Variants in DMXL1 observed in about 807,000 individuals in gnomAD.
DMXL1 encodes dmX-like protein 1.
DMXL1 carries 99 observed loss-of-function variants against 319.2 expected under a neutral mutation model. The ratio of observed to expected loss-of-function variants is 0.31; its 90% confidence interval spans 0.26 to 0.37. The LOEUF (loss-of-function observed/expected upper bound fraction) is 0.37. Ranked by LOEUF, DMXL1 falls within the 10% of genes least tolerant of loss-of-function variation. The pLI is 1.00. For synonymous variants in DMXL1, 1,385 were observed against 1,235.2 expected (o/e 1.12, Z -2.54); for missense variants, 3,745 against 3,595.6 (o/e 1.04, Z -1.06).
chr5:119,190,752 A>T (rs1778570293), intron 29 of DMXL1, among the ~76,000 whole-genome samples: 1 of 152,240 alleles, frequency 6.6e-6, no homozygotes, highest in Admixed American at 6.5e-5. Flanking sequence ...AGTGAAAGTG[A>T]ACTTATAAAT....
At chr5:119,084,884 T>C (rs2149708860) in intron 1 of DMXL1, among the ~76,000 whole-genome samples, 1 of 148,276 alleles carries the variant, frequency 6.7e-6, no homozygotes, top group South Asian at 2.1e-4. Flanking sequence ...AAAAAAAAGA[T>C]CCTAAAATTG....
intron 1 of DMXL1, among the ~76,000 whole-genome samples, chr5:119,085,176 A>G (rs973232297): frequency 6.6e-6 from 1 of 151,738 alleles, no homozygotes; most frequent in African/African-American, 2.4e-5. Flanking sequence ...TAAAAATACA[A>G]AAAAATTAGC....
intron 5 of DMXL1, 150 bp from the exon 6 acceptor site, chr5:119,114,325 A>G: frequency 1.6e-6 from 1 of 631,030 alleles, no homozygotes. Flanking sequence ...CTTACTAACT[A>G]GTTCATTTTT....
chr5:119,192,640 T>C (rs1468832463), intron 29 of DMXL1, among the ~76,000 whole-genome samples: 3 of 152,242 alleles, frequency 2.0e-5, no homozygotes, highest in East Asian at 3.8e-4. Flanking sequence ...ATCTGTCTTC[T>C]TAGCATCATT....
chr5:119,155,840 A>AAC lies in DMXL1; in HGVS notation c.4702+3805_4702+3806insCA, dbSNP rs1269620727. On this transcript the variant is annotated intron_variant, in intron 19 of 43. Transcript: ENST00000539542. ...AGACCCTGTCTCAAAAAAAAAAAAA[A>AAC]AAAACAAAACTTCAGCAGATGAGGA... is the stretch of plus-strand genomic sequence containing the variant. 5.9e-5 allele frequency among the ~76,000 whole-genome samples: 9 copies of AAC among 151,868 alleles called. 1 individual carries two copies. In the South Asian group the frequency reaches 6.2e-4, roughly 11 times the overall value.
intron 1 of DMXL1, among the ~76,000 whole-genome samples, chr5:119,090,479 T>C (rs909573967): frequency 3.3e-5 from 5 of 152,028 alleles, no homozygotes; most frequent in African/African-American, 1.2e-4. Context: ...GAATGCCAAT[T>C]CTTAGATTTC....
intron 34 of DMXL1, among the ~76,000 whole-genome samples, chr5:119,209,587 G>T (rs867591047): frequency 6.6e-6 from 1 of 151,930 alleles, no homozygotes; most frequent in Non-Finnish European, 1.5e-5. Context: ...GGCTCAAGCA[G>T]TCTTCCCACC....
At chr5:119,245,567 G>T (rs946849880) in intron 43 of DMXL1, among the ~76,000 whole-genome samples, 2 of 145,462 alleles carry the variant, frequency 1.4e-5, no homozygotes, top group Non-Finnish European at 1.5e-5. Flanking sequence ...TTGAGACGGA[G>T]TCTTACTCTG....
At chr5:119,221,524 A>G (rs753197052) in intron 37 of DMXL1, among the ~76,000 whole-genome samples, 3 of 152,190 alleles carry the variant, frequency 2.0e-5, no homozygotes, top group Non-Finnish European at 2.9e-5. Context: ...ACTGGATTTC[A>G]GTGTTTTTTT....
At chr5:119,143,632 T>A (rs2150109687) in intron 13 of DMXL1, among the ~76,000 whole-genome samples, 1 of 152,150 alleles carries the variant, frequency 6.6e-6, no homozygotes, top group Admixed American at 6.6e-5. Context: ...CTTTTATTTT[T>A]CTCTGTACCA....
At chr5:119,132,648 G>A (rs145471610) in intron 10 of DMXL1, 10 of 393,392 alleles carry the variant, frequency 2.5e-5, no homozygotes, top group Middle Eastern at 9.1e-4. Flanking sequence ...CTGTACTCCA[G>A]CTGGGGCAAG....
In DMXL1 at chr5:119,221,025, A is replaced by G. The variant is rs756688511; in HGVS notation, c.8221A>G (p.Thr2741Ala). 6.8e-6 allele frequency: 11 copies of G among 1,613,746 alleles called. No homozygotes were observed. The highest frequency in any genetic ancestry group is 1.6e-4 in the Middle Eastern group (1 of 6,080). The change falls in exon 37 of 44, where the codon ACT (threonine) becomes GCT (alanine). Residue 2741 changes from threonine (T) to alanine (A), a missense_variant. Thr to Ala is a moderately conservative substitution (Grantham distance 58, BLOSUM62 0). Transcript: ENST00000539542. ...TTPYTHSNPG[T>A]PINMPWLGST... ...TCCATATACACATAGCAATCCTGGC[A>G]CTCCAATCAACATGCCATGGCTTGG...
Position 119,171,042 on chromosome 5 carries a change from A to G in DMXL1, c.6251A>G (p.Gln2084Arg). 6.2e-7 allele frequency: 1 copy of G among 1,613,930 alleles called. No homozygotes were observed. Among genetic ancestry groups the G allele is most frequent in the East Asian group, 2.2e-5 (1 of 44,862 alleles). The change falls in exon 24 of 44, where the codon CAG (glutamine) becomes CGG (arginine). Residue 2084 changes from glutamine (Q) to arginine (R), a missense_variant. Gln to Arg is a conservative substitution (Grantham distance 43). Coordinates refer to ENST00000539542, the MANE Select transcript of DMXL1 (RefSeq NM_001290321.3). ...TTTTGCTCAGATGCTGAAGAACTAC[A>G]GTCTGCATTTGGCAGAAATGAAGAT... ...CDFCSDAEEL[Q>R]SAFGRNEDEF... is the part of the protein sequence containing the mutation.
At chr5:119,139,402 A>G (rs565074272) in intron 13 of DMXL1, among the ~76,000 whole-genome samples, 1 of 152,324 alleles carries the variant, frequency 6.6e-6, no homozygotes, top group East Asian at 1.9e-4. Context: ...AATGACACCC[A>G]TAGGCTCAAA....
chr5:119,194,544 G>A (rs1779271848), intron 30 of DMXL1, among the ~76,000 whole-genome samples: 1 of 152,014 alleles, frequency 6.6e-6, no homozygotes, highest in Non-Finnish European at 1.5e-5. Flanking sequence ...ACTAAAACAT[G>A]GTATGTTAAT....
intron 38 of DMXL1, among the ~76,000 whole-genome samples, chr5:119,225,499 A>AT (rs1785374644): frequency 6.6e-6 from 1 of 152,038 alleles, no homozygotes; most frequent in African/African-American, 2.4e-5. Context: ...GTCCTACTAC[A>AT]TAGTAACAAG....
intron 9 of DMXL1, among the ~76,000 whole-genome samples, chr5:119,121,478 TG>T: frequency 6.6e-6 from 1 of 152,076 alleles, no homozygotes; most frequent in Non-Finnish European, 1.5e-5. Flanking sequence ...GGAGTGGTGA[TG>T]ACTCTTAACG....
intron 25 of DMXL1, among the ~76,000 whole-genome samples, chr5:119,173,815 T>TATATATATATA (rs1554127694): frequency 4.5e-5 from 6 of 132,876 alleles, no homozygotes; most frequent in East Asian, 5.2e-4. Flanking sequence ...GAGAGATTTA[T>TATATATATATA]TATAAGGAAT....
At chr5:119,129,530 C>A in intron 10 of DMXL1, 107 bp downstream of exon 10, 1 of 736,546 alleles carries the variant, frequency 1.4e-6, no homozygotes, top group Non-Finnish European at 2.2e-6. Context: ...GTTGCAATGA[C>A]ATGATCCAAA....
Sources: allele counts gnomAD v4.1 joint callset (sites outside exome capture counted in the v4.1 genomes callset), GRCh38; gene constraint gnomAD v4.1.1; transcripts MANE v1.5; gene names NCBI Gene and HGNC (gene_info 2026-07-23, HGNC 2026-07-21).